PCDHA13: variants seen among roughly 807,000 people sequenced by gnomAD.
The protein encoded by PCDHA13 is protocadherin alpha-13.
Under a neutral mutation model 64.8 loss-of-function variants are expected in PCDHA13, and 54 were observed. The observed-to-expected ratio is 0.83, with a 90% CI of 0.67 to 1.04. PCDHA13 has a LOEUF of 1.04. PCDHA13 is among the 50% of genes least tolerant of loss of function. The pLI, the probability that PCDHA13 is intolerant of heterozygous loss-of-function variation, is 0.00. For synonymous variants in PCDHA13, 587 were observed against 564.4 expected (o/e 1.04, Z -0.57); for missense variants, 1,248 against 1,254.3 (o/e 0.99, Z 0.08).
intron 1 of PCDHA13, chr5:140,928,453 T>G (rs528077853): frequency 1.9e-6 from 3 of 1,613,888 alleles, no homozygotes; most frequent in African/African-American, 2.7e-5. Flanking sequence ...GCTCAGGGGG[T>G]TTCATTTCCA....
At chr5:140,966,063 C>T (rs2095963895) in intron 1 of PCDHA13, 1 of 153,130 alleles carries the variant, frequency 6.5e-6, no homozygotes, top group African/African-American at 2.4e-5. Flanking sequence ...CAGAGCGCCT[C>T]CCCCTGCGTT....
At chr5:140,912,116 C>G (rs2075772929) in intron 1 of PCDHA13, among the ~76,000 whole-genome samples, 1 of 152,188 alleles carries the variant, frequency 6.6e-6, no homozygotes, top group Non-Finnish European at 1.5e-5. Context: ...GGCTGGGAGG[C>G]TAAGTCAGTC....
intron 3 of PCDHA13, among the ~76,000 whole-genome samples, chr5:140,999,748 G>A (rs1563643254): frequency 1.3e-5 from 2 of 152,188 alleles, no homozygotes; most frequent in South Asian, 2.1e-4. Flanking sequence ...ATCTGGGTTC[G>A]CAGCACATGA....
At chr5:140,931,675 A>G (rs2087672558) in intron 1 of PCDHA13, among the ~76,000 whole-genome samples, 1 of 151,968 alleles carries the variant, frequency 6.6e-6, no homozygotes, top group Admixed American at 6.5e-5. Context: ...TTCCTTATAA[A>G]TAAATGAATT....
intron 3 of PCDHA13, among the ~76,000 whole-genome samples, chr5:140,983,637 T>G (rs1306208906): frequency 6.6e-6 from 1 of 152,232 alleles, no homozygotes; most frequent in Non-Finnish European, 1.5e-5. Context: ...TGTACCCAAG[T>G]TCACGTAGCT....
At chr5:140,954,653 T>C (rs1467846481) in intron 1 of PCDHA13, among the ~76,000 whole-genome samples, 3 of 152,244 alleles carry the variant, frequency 2.0e-5, no homozygotes, top group Admixed American at 6.5e-5. Flanking sequence ...TTAAGTTCCT[T>C]GTAGACTCTG....
chr5:140,929,080 A>T, intron 1 of PCDHA13: 1 of 1,614,180 alleles, frequency 6.2e-7, no homozygotes, highest in Non-Finnish European at 8.5e-7. Flanking sequence ...GTATGGAAGT[A>T]AGATGGTTTC....
At chr5:140,974,264 C>A (rs2096620873) in intron 1 of PCDHA13, among the ~76,000 whole-genome samples, 1 of 152,168 alleles carries the variant, frequency 6.6e-6, no homozygotes, top group African/African-American at 2.4e-5. Flanking sequence ...CCTTTCTGGC[C>A]TTCCAGGGTC....
intron 1 of PCDHA13, among the ~76,000 whole-genome samples, chr5:140,926,138 T>C (rs2082936633): frequency 6.6e-6 from 1 of 152,004 alleles, no homozygotes; most frequent in African/African-American, 2.4e-5. Flanking sequence ...CGCAGCAGGA[T>C]CCAGCGCGGA....
Position 140,882,143 on chromosome 5 carries a change from C to A in PCDHA13, c.-126C>A. 2 of 1,494,048 alleles carry A rather than the reference C, an allele frequency of 1.3e-6. No individual in the cohort carries two copies. Among genetic ancestry groups the A allele is most frequent in the Admixed American group, 2.3e-5 (1 of 43,804 alleles). The allele number at this position is 1,494,048 out of a possible 1,614,324, so 92.5% of individuals were successfully genotyped here. A position where few individuals can be genotyped will look rare whatever the true frequency, so the allele number is the denominator to read the frequency against. ...TTCTTTCTTCCTGCAGAAAATATAG[C>A]AGAAAGCGGAATACCTCTTGCGAAT... On this transcript the variant is annotated 5_prime_UTR_variant, in exon 1 of 4. Transcript: ENST00000289272.
chr5:140,882,226 G>C lies in PCDHA13; in HGVS notation c.-43G>C, dbSNP rs778262653. 257 of 1,564,032 alleles carry C rather than the reference G, an allele frequency of 1.6e-4. No individual in the cohort carries two copies. Among genetic ancestry groups the C allele is most frequent in the Non-Finnish European group, 3.8e-5 (44 of 1,154,900 alleles). On this transcript the variant is annotated 5_prime_UTR_variant, in exon 1 of 4. Transcript: ENST00000289272. ...CTTGAGAGACAGTTTGAGGTAAGGC[G>C]TTGTATATATTGCAGATAGCTCTGA...
chr5:140,883,064 G>A lies in PCDHA13; in HGVS notation c.796G>A (p.Ala266Thr), dbSNP rs2059422329. ...FNGTLVIKLN[A>T]TDPDDGTNGD... is the part of the protein sequence containing the mutation. ...TGGAACATTAGTGATCAAGCTAAAT[G>A]CCACAGATCCTGATGATGGTACAAA... The change falls in exon 1 of 4, where the codon GCC becomes ACC. Residue 266 changes from alanine to threonine, a missense_variant. Ala to Thr is a moderately conservative substitution (Grantham distance 58, BLOSUM62 0). Transcript: ENST00000289272. The A allele has an allele frequency of 1.2e-6, 2 of 1,614,096 alleles. No individual in the cohort carries two copies. The highest frequency in any genetic ancestry group is 1.7e-6 in the Non-Finnish European group (2 of 1,180,024).
chr5:140,906,194 A>C (rs543979654), intron 1 of PCDHA13, among the ~76,000 whole-genome samples: 6 of 152,288 alleles, frequency 3.9e-5, no homozygotes, highest in African/African-American at 1.2e-4. Context: ...AATCCAATCA[A>C]GTTGACACTC....
rs1413393487 is a variant in PCDHA13, at chr5:140,941,341, G to T, written c.2395-37608G>T. On this transcript the variant is annotated intron_variant, in intron 1 of 3. Coordinates refer to ENST00000289272, the MANE Select transcript of PCDHA13 (RefSeq NM_018904.3). ...TCTCTTTTTTTTTTTTTTTCAGATG[G>T]AGTCTTGCTCTGTTGCCTAGGCTGG... Among the ~76,000 whole-genome samples the T allele has an allele frequency of 2.5e-5, 3 of 119,500 alleles. No homozygotes were observed. The East Asian group carries it at 8.2e-4, about 33-fold the overall frequency. 78.4% of individuals were successfully genotyped at this position (119,500 alleles called of 152,430 possible).
At position 140,928,325 on chromosome 5, in the gene PCDHA13, G is replaced by A. The variant is rs1432328240; in HGVS notation, c.2394+43663G>A. 3.1e-6 allele frequency: 5 copies of A among 1,614,020 alleles called. No homozygotes were observed. The African/African-American group carries it at 6.7e-5, about 22-fold the overall frequency. ...CAGGACCCCGACCTGGGGAAGAATGGCCTTGTCTCTTATGAGCTGTTGGAT... is the reference window on the plus strand; with the variant it reads ...CAGGACCCCGACCTGGGGAAGAATGACCTTGTCTCTTATGAGCTGTTGGAT... On this transcript the variant is annotated intron_variant, in intron 1 of 3. Transcript: ENST00000289272.
intron 1 of PCDHA13, among the ~76,000 whole-genome samples, chr5:140,906,402 A>G (rs1378425113): frequency 1.3e-5 from 2 of 152,268 alleles, no homozygotes; most frequent in African/African-American, 4.8e-5. Flanking sequence ...AAATTTTCAT[A>G]TGAAGTCAAT....
Position 140,946,631 on chromosome 5 carries a change from T to TATATACAC in PCDHA13, c.2395-32317_2395-32316insTATACACA, listed in dbSNP as rs57893927. Among the ~76,000 whole-genome samples, 48 of 131,820 alleles carry TATATACAC rather than the reference T, an allele frequency of 3.6e-4. 1 individual carries two copies. Among genetic ancestry groups the TATATACAC allele is most frequent in the South Asian group, 8.9e-4 (4 of 4,516 alleles). The allele number at this position is 131,820 out of a possible 152,430, so 86.5% of individuals were successfully genotyped here. A position where few individuals can be genotyped will look rare whatever the true frequency, so the allele number is the denominator to read the frequency against. ...TGTGAAATATATATATATATATATA[T>TATATACAC]ACAATGGAATACTCATCAGCCATTA... is the stretch of plus-strand genomic sequence containing the variant. On this transcript the variant is annotated intron_variant, in intron 1 of 3. Coordinates refer to ENST00000289272, the MANE Select transcript of PCDHA13 (RefSeq NM_018904.3).
intron 3 of PCDHA13, among the ~76,000 whole-genome samples, chr5:141,000,417 A>ATT (rs1563652061): frequency 3.2e-4 from 25 of 77,724 alleles, no homozygotes; most frequent in African/African-American, 1.1e-3. Context: ...ATATATATAT[A>ATT]TATATTTTTT....
At chr5:140,993,543 G>C (rs1263683239) in intron 3 of PCDHA13, among the ~76,000 whole-genome samples, 1 of 151,590 alleles carries the variant, frequency 6.6e-6, no homozygotes, top group Non-Finnish European at 1.5e-5. Context: ...GAGAGATAGA[G>C]AAGTGAAGTA....
Sources: allele counts gnomAD v4.1 joint callset (sites outside exome capture counted in the v4.1 genomes callset), GRCh38; gene constraint gnomAD v4.1.1; transcripts MANE v1.5; gene names NCBI Gene and HGNC (gene_info 2026-07-23, HGNC 2026-07-21).